The following PTGS1 variants were observed in gnomAD, a reference collection of about 807,000 sequenced individuals.
PTGS1 encodes the protein prostaglandin G/H synthase 1.
A neutral mutation model predicts 63.0 loss-of-function variants in PTGS1; 40 were observed. The observed-to-expected ratio is 0.63, with a 90% CI of 0.49 to 0.83. The LOEUF (loss-of-function observed/expected upper bound fraction) is 0.83. Ranked by LOEUF, PTGS1 falls within the 40% of genes least tolerant of loss-of-function variation. The probability of loss-of-function intolerance (pLI) is 0.00; values close to 1 mark genes in which losing one functional copy is unlikely to be tolerated. For synonymous variants in PTGS1, 298 were observed against 301.9 expected, an observed-to-expected ratio of 0.99 and a Z score of 0.13; for missense variants, 709 against 786.5, an observed-to-expected ratio of 0.90 and a Z score of 1.18.
At chr9:122,378,609 C>A (rs747742123) in intron 4 of PTGS1, 36 bp downstream of exon 4, 1 of 1,613,794 alleles carries the variant, frequency 6.2e-7, no homozygotes. Context: ...CCTGGGGGAG[C>A]AAGCAAGCCT....
intron 10 of PTGS1, 120 bp downstream of exon 10, chr9:122,390,465 A>C: frequency 8.4e-7 from 1 of 1,195,280 alleles, no homozygotes; most frequent in Non-Finnish European, 1.2e-6. Flanking sequence ...CCAGACTTAT[A>C]ATGGGCGTGG....
At position 122,393,620 on chromosome 9, in the gene PTGS1, G is replaced by A. The variant is rs1209172299; in HGVS notation, c.*1076G>A. ...GCATACAACAGAGGGGGCACCCGGG[G>A]AGGAGAGCACATACTGTGTTCCAAT... On this transcript the variant is annotated 3_prime_UTR_variant, in exon 11 of 11. Coordinates refer to ENST00000362012, the MANE Select transcript of PTGS1 (RefSeq NM_000962.4). 2 of 152,276 alleles carry A rather than the reference G, an allele frequency of 1.3e-5. No individual in the cohort carries two copies. The highest frequency in any genetic ancestry group is 2.1e-4 in the South Asian group (1 of 4,832). The allele number at this position is 152,276 out of a possible 1,614,324, so 9.4% of individuals were successfully genotyped here.
intron 2 of PTGS1, chr9:122,375,199 C>CGTG (rs1219737363): frequency 3.0e-6 from 2 of 660,604 alleles, no homozygotes; most frequent in African/African-American, 4.0e-5. Context: ...ATGGAAAGAA[C>CGTG]GTGGCGGGGG....
upstream of PTGS1, chr9:122,370,947 C>T: frequency 7.2e-7 from 1 of 1,392,264 alleles, no homozygotes; most frequent in Non-Finnish European, 9.7e-7. Context: ...AAGCGGGCAG[C>T]CGAGGTGACA....
chr9:122,375,029 C>T (rs889750598), intron 2 of PTGS1, among the ~76,000 whole-genome samples: 3 of 152,210 alleles, frequency 2.0e-5, no homozygotes, highest in Admixed American at 6.5e-5. Context: ...TGGACTTGGT[C>T]GGCTGGAGCC....
At chr9:122,383,418 T>G (rs982472264) in intron 7 of PTGS1, 91 bp from the exon 8 acceptor site, 6 of 1,510,230 alleles carry the variant, frequency 4.0e-6, no homozygotes, top group African/African-American at 1.4e-5. Flanking sequence ...TGAGGGGAAC[T>G]GGCAGCTGGA....
Position 122,386,442 on chromosome 9 carries a change from C to T in PTGS1, c.1010-4C>T. The T allele has an allele frequency of 6.2e-7, 1 of 1,613,948 alleles. No individual in the cohort carries two copies. On this transcript the variant is annotated splice_polypyrimidine_tract_variant and splice_region_variant and intron_variant, in intron 8 of 10. Transcript: ENST00000362012. ...GACCCTATTTCCAATCCTGCCCTGC[C>T]CAGGGGAGACCATCAAGATTGTCAT...
At chr9:122,392,156 C>G in intron 10 of PTGS1, 33 bp from the exon 11 acceptor site, 1 of 1,530,624 alleles carries the variant, frequency 6.5e-7, no homozygotes, top group Middle Eastern at 1.8e-4. Context: ...CATCATGGAT[C>G]TGATGCTAGC....
At chr9:122,384,538 G>A (rs529245831) in intron 8 of PTGS1, among the ~76,000 whole-genome samples, 1 of 152,326 alleles carries the variant, frequency 6.6e-6, no homozygotes, top group East Asian at 1.9e-4. Context: ...AGGCTGTCCA[G>A]CACACTGGCT....
intron 1 of PTGS1, 47 bp downstream of exon 1, chr9:122,371,138 G>A (rs769893222): frequency 2.6e-5 from 42 of 1,607,000 alleles, no homozygotes; most frequent in Non-Finnish European, 3.6e-5. Flanking sequence ...TGGCCTCCTG[G>A]TGGAGCCTTG....
intron 3 of PTGS1, 113 bp from the exon 4 acceptor site, chr9:122,378,320 T>C (rs565357145): frequency 7.0e-7 from 1 of 1,421,052 alleles, no homozygotes; most frequent in East Asian, 2.3e-5. Context: ...CACTTCCCCA[T>C]AGGTGCTACT....
chr9:122,372,646 G>GC (rs1468438845), intron 2 of PTGS1: 5 of 152,246 alleles, frequency 3.3e-5, no homozygotes, highest in African/African-American at 1.2e-4. Flanking sequence ...CCCTGGATCA[G>GC]CCCAGCACTT....
chr9:122,381,453 C>T lies in PTGS1; in HGVS notation c.579C>T (p.Thr193=). The T allele has an allele frequency of 1.2e-6, 2 of 1,614,216 alleles. 1 individual carries two copies. The highest frequency in any genetic ancestry group is 2.2e-5 in the South Asian group (2 of 91,082). ...AGTTCATACCTGACCCCCAAGGCAC[C>T]AACCTCATGTTTGCCTTCTTTGCAC... is the stretch of plus-strand genomic sequence containing the variant. ...RRKFIPDPQG[T]NLMFAFFAQH... The change falls in exon 6 of 11, where the codon ACC becomes ACT. Residue 193 remains threonine, a synonymous_variant. Transcript: ENST00000362012.
chr9:122,371,017 T>C (rs202080045), upstream of PTGS1: 16 of 1,540,628 alleles, frequency 1.0e-5, no homozygotes, highest in Non-Finnish European at 1.3e-5. Flanking sequence ...GGGCTGGAGC[T>C]CCGGGCAGTG....
At chr9:122,371,995 G>A (rs950829394) in intron 2 of PTGS1, among the ~76,000 whole-genome samples, 8 of 152,138 alleles carry the variant, frequency 5.3e-5, no homozygotes, top group Admixed American at 5.2e-4. Context: ...GGAGGTTGAT[G>A]GGGAAATTCC....
chr9:122,371,333 A>G (rs1836790766), intron 2 of PTGS1, 61 bp downstream of exon 2: 2 of 1,593,538 alleles, frequency 1.3e-6, no homozygotes, highest in Non-Finnish European at 1.7e-6. Context: ...CCTGGTTTCA[A>G]CCCCCTCCTT....
chr9:122,375,292 G>T, intron 2 of PTGS1: 1 of 985,476 alleles, frequency 1.0e-6, no homozygotes, highest in African/African-American at 1.7e-5. Flanking sequence ...CAGGGAGGGT[G>T]TGGGCAGCCG....
Position 122,392,833 on chromosome 9 carries a change from TTGA to T in PTGS1, c.*291_*293del, listed in dbSNP as rs1233425649. On this transcript the variant is annotated 3_prime_UTR_variant, in exon 11 of 11. Coordinates refer to ENST00000362012, the MANE Select transcript of PTGS1 (RefSeq NM_000962.4). ...ACAACCTAGAATGTCAGATTTCTGG[TTGA>T]TTTGTAACACAGTCATTCTAGGATG... 1.2e-5 allele frequency: 4 copies of T among 326,562 alleles called. No individual in the cohort carries two copies. The highest frequency in any genetic ancestry group is 4.4e-5 in the Admixed American group (1 of 22,974). 20.2% of individuals were successfully genotyped at this position (326,562 alleles called of 1,614,324 possible).
At chr9:122,371,961 C>T (rs1038946714) in intron 2 of PTGS1, 7 of 705,326 alleles carry the variant, frequency 9.9e-6, no homozygotes, top group Admixed American at 4.6e-5. Context: ...ACAATGGACC[C>T]GGAGCCACTC....
Sources: allele counts gnomAD v4.1 joint callset (sites outside exome capture counted in the v4.1 genomes callset), GRCh38; gene constraint gnomAD v4.1.1; transcripts MANE v1.5; gene names NCBI Gene and HGNC (gene_info 2026-07-23, HGNC 2026-07-21).